The following DSCAM variants were observed in gnomAD, a reference collection of about 807,000 sequenced individuals.
DSCAM encodes DS cell adhesion molecule.
Under a neutral mutation model 217.7 loss-of-function variants are expected in DSCAM, and 47 were observed. That is an observed-to-expected ratio of 0.22 (90% CI 0.17 to 0.28). The LOEUF (loss-of-function observed/expected upper bound fraction) is 0.28, where lower values mean the gene tolerates loss of function less well. Ranked by LOEUF, DSCAM falls within the 10% of genes least tolerant of loss-of-function variation. DSCAM has a pLI of 1.00. For synonymous variants in DSCAM, 1,056 were observed against 1,015.3 expected, an observed-to-expected ratio of 1.04 and a Z score of -0.76; for missense variants, 2,080 against 2,618.3, an observed-to-expected ratio of 0.79 and a Z score of 4.49.
intron 3 of DSCAM, among the ~76,000 whole-genome samples, chr21:40,413,185 GA>G (rs1159152061): frequency 1.3e-5 from 2 of 152,236 alleles, no homozygotes; most frequent in Non-Finnish European, 2.9e-5. Flanking sequence ...GTGCAGAAGG[GA>G]AATGTGGGGT....
intron 3 of DSCAM, among the ~76,000 whole-genome samples, chr21:40,481,273 A>G (rs1236629903): frequency 1.3e-5 from 2 of 152,104 alleles, no homozygotes; most frequent in Non-Finnish European, 2.9e-5. Flanking sequence ...ACAGATCACA[A>G]GGTCAGGAGA....
At chr21:40,141,721 C>A (rs2090292936) in intron 18 of DSCAM, among the ~76,000 whole-genome samples, 2 of 151,968 alleles carry the variant, frequency 1.3e-5, no homozygotes, top group Non-Finnish European at 2.9e-5. Flanking sequence ...CAGGTGTGGG[C>A]CCCCCAGGCT....
rs908330073 is a variant in DSCAM at position 40,438,911 on chromosome 21, T to C, written c.509-69666A>G. On this transcript the variant is annotated intron_variant, in intron 3 of 32. Transcript: ENST00000400454. Reference sequence around the variant, plus strand: ...CATCTTAGATTTATAAATTTTACAATTTTTTTTTTCTGGAAGGTAGCCATA... The same window carrying C: ...CATCTTAGATTTATAAATTTTACAACTTTTTTTTTCTGGAAGGTAGCCATA... Among the ~76,000 whole-genome samples, 5 of 149,628 alleles carry C rather than the reference T, an allele frequency of 3.3e-5. No homozygotes were observed. In the South Asian group the frequency reaches 8.4e-4, roughly 25 times the overall value.
chr21:40,072,656 C>G (rs1255581143), intron 27 of DSCAM, among the ~76,000 whole-genome samples: 2 of 152,158 alleles, frequency 1.3e-5, no homozygotes, highest in Non-Finnish European at 1.5e-5. Context: ...CCTCTCCTGT[C>G]AGATTCTTGA....
At chr21:40,221,043 GC>G (rs1380169218) in intron 11 of DSCAM, among the ~76,000 whole-genome samples, 10 of 152,154 alleles carry the variant, frequency 6.6e-5, no homozygotes, top group South Asian at 6.2e-4. Context: ...TCAGAAACCT[GC>G]TACAATTCAC....
chr21:40,815,683 G>A (rs1304988943), intron 1 of DSCAM, among the ~76,000 whole-genome samples: 2 of 152,152 alleles, frequency 1.3e-5, no homozygotes, highest in Admixed American at 6.5e-5. Context: ...TGTTGTTTAC[G>A]ATAATTTTGT....
intron 15 of DSCAM, among the ~76,000 whole-genome samples, chr21:40,174,040 G>T (rs2090690143): frequency 1.3e-5 from 2 of 152,192 alleles, no homozygotes; most frequent in Admixed American, 1.3e-4. Flanking sequence ...TGTAGCAAGG[G>T]TTAGCTGTGA....
intron 3 of DSCAM, among the ~76,000 whole-genome samples, chr21:40,619,974 G>GAAAAGAAAAAGAAAGAGAGAGAA (rs2089458909): frequency 9.4e-6 from 1 of 106,588 alleles, no homozygotes; most frequent in Non-Finnish European, 2.0e-5. Flanking sequence ...GAAAAAGAAG[G>GAAAAGAAAAAGAAAGAGAGAGAA]AAAAGAAAAA....
chr21:40,757,912 A>G (rs1317338733), intron 1 of DSCAM, among the ~76,000 whole-genome samples: 5 of 152,194 alleles, frequency 3.3e-5, no homozygotes, highest in Non-Finnish European at 7.3e-5. Flanking sequence ...TTCAAGTCCT[A>G]ACACCCAGTA....
At chr21:40,699,188 C>T (rs12482856) in intron 2 of DSCAM, among the ~76,000 whole-genome samples, 16,176 of 152,024 alleles carry the variant, frequency 0.11, 951 homozygotes, top group Admixed American at 0.17. Context: ...TTTGATATTA[C>T]TATTGTAATT....
intron 3 of DSCAM, among the ~76,000 whole-genome samples, chr21:40,537,901 C>G (rs544297418): frequency 3.3e-4 from 51 of 152,310 alleles, no homozygotes; most frequent in African/African-American, 1.2e-3. Flanking sequence ...TCCCAAGCAC[C>G]TTTCGCATTA....
At chr21:40,591,841 A>G (rs916190308) in intron 3 of DSCAM, among the ~76,000 whole-genome samples, 1 of 152,216 alleles carries the variant, frequency 6.6e-6, no homozygotes, top group Non-Finnish European at 1.5e-5. Flanking sequence ...TAGCTTACCA[A>G]TAATATGTAT....
intron 3 of DSCAM, among the ~76,000 whole-genome samples, chr21:40,453,790 A>G (rs1193528843): frequency 1.3e-5 from 2 of 152,228 alleles, no homozygotes; most frequent in Non-Finnish European, 2.9e-5. Flanking sequence ...GCCCTCCTGT[A>G]AAAGTATTCT....
At chr21:40,603,293 T>TGAACAACA (rs2077076331) in intron 3 of DSCAM, among the ~76,000 whole-genome samples, 1 of 152,186 alleles carries the variant, frequency 6.6e-6, no homozygotes, top group Admixed American at 6.5e-5. Flanking sequence ...AGAATGTGCA[T>TGAACAACA]TCTGCTGTTG....
At chr21:40,661,780 T>C (rs912083786) in intron 3 of DSCAM, among the ~76,000 whole-genome samples, 2 of 152,094 alleles carry the variant, frequency 1.3e-5, no homozygotes, top group African/African-American at 2.4e-5. Flanking sequence ...GATGTCTGCT[T>C]TGGGGCGTGT....
chr21:40,373,304 T>C (rs1173902536), intron 3 of DSCAM, among the ~76,000 whole-genome samples: 1 of 152,136 alleles, frequency 6.6e-6, no homozygotes, highest in East Asian at 1.9e-4. Flanking sequence ...GCAGGTGTTA[T>C]AGGTGGTCAG....
chr21:40,298,991 G>A lies in DSCAM; in HGVS notation c.2063-2817C>T, dbSNP rs551146521. ...CCTAAATTAGTAGAATAATTACCCCGTATCATTGAAAACTGTTTCTGACCC... is the reference window on the plus strand; with the variant it reads ...CCTAAATTAGTAGAATAATTACCCCATATCATTGAAAACTGTTTCTGACCC... On this transcript the variant is annotated intron_variant, in intron 9 of 32. Transcript: ENST00000400454. Among the ~76,000 whole-genome samples the A allele has an allele frequency of 8.6e-5, 13 of 152,046 alleles. No individual in the cohort carries two copies. The East Asian group carries it at 1.7e-3, about 20-fold the overall frequency.
intron 8 of DSCAM, among the ~76,000 whole-genome samples, chr21:40,324,395 AT>A (rs1318670406): frequency 6.6e-6 from 1 of 152,130 alleles, no homozygotes; most frequent in Non-Finnish European, 1.5e-5. Flanking sequence ...TCTGAGAAGC[AT>A]GGCAGTGTCT....
At chr21:40,442,983 G>A (rs2145916638) in intron 3 of DSCAM, among the ~76,000 whole-genome samples, 1 of 152,328 alleles carries the variant, frequency 6.6e-6, no homozygotes, top group East Asian at 1.9e-4. Context: ...AGAGGAGAGA[G>A]TATAACTGTT....
Sources: allele counts gnomAD v4.1 joint callset (sites outside exome capture counted in the v4.1 genomes callset), GRCh38; gene constraint gnomAD v4.1.1; transcripts MANE v1.5; gene names NCBI Gene and HGNC (gene_info 2026-07-23, HGNC 2026-07-21).